Variants in MTHFD1L observed in about 807,000 individuals in gnomAD.
MTHFD1L encodes monofunctional C1-tetrahydrofolate synthase, mitochondrial.
Under a neutral mutation model 119.5 loss-of-function variants are expected in MTHFD1L, and 81 were observed. The ratio of observed to expected loss-of-function variants is 0.68; its 90% CI spans 0.57 to 0.82. The LOEUF (loss-of-function observed/expected upper bound fraction) is 0.82, where lower values mean the gene tolerates loss of function less well. Among genes scored for constraint, MTHFD1L ranks in the 40% least tolerant of loss-of-function variants. The pLI is 0.00. For missense variants in MTHFD1L, 1,125 were observed against 1,253.4 expected (o/e 0.90, Z 1.55); for synonymous variants, 430 against 475.2 (o/e 0.90, Z 1.24).
chr6:150,984,426 C>G (rs1166181734), intron 20 of MTHFD1L, among the ~76,000 whole-genome samples: 1 of 151,972 alleles, frequency 6.6e-6, no homozygotes, highest in East Asian at 1.9e-4. Context: ...GCCTTTTTCC[C>G]CCCTTTATTC....
At chr6:150,868,778 T>G (rs900646096) in intron 1 of MTHFD1L, among the ~76,000 whole-genome samples, 16 of 152,156 alleles carry the variant, frequency 1.1e-4, no homozygotes, top group Admixed American at 9.8e-4. Context: ...AAAGACAAAT[T>G]TAGGCCAGGC....
intron 20 of MTHFD1L, among the ~76,000 whole-genome samples, chr6:151,006,487 T>TA (rs1235878902): frequency 2.0e-5 from 3 of 152,020 alleles, no homozygotes; most frequent in Admixed American, 6.6e-5. Flanking sequence ...ACTTTTATAT[T>TA]AAGGCACTTT....
At chr6:150,953,572 A>G (rs972091518) in intron 16 of MTHFD1L, among the ~76,000 whole-genome samples, 2 of 152,144 alleles carry the variant, frequency 1.3e-5, no homozygotes, top group African/African-American at 4.8e-5. Context: ...TTGGATCACT[A>G]ACTTAGGGTT....
chr6:151,037,471 A>G (rs1014608372), intron 26 of MTHFD1L, among the ~76,000 whole-genome samples: 2 of 152,150 alleles, frequency 1.3e-5, no homozygotes, highest in African/African-American at 4.8e-5. Flanking sequence ...AAATGATGTC[A>G]TCACGGTGGG....
At chr6:150,897,588 C>G (rs1057110288) in intron 7 of MTHFD1L, among the ~76,000 whole-genome samples, 1 of 152,122 alleles carries the variant, frequency 6.6e-6, no homozygotes, top group African/African-American at 2.4e-5. Flanking sequence ...TTGTAGTCAC[C>G]TGTGGCCAAC....
chr6:151,001,175 T>C (rs1404033048), intron 20 of MTHFD1L, among the ~76,000 whole-genome samples: 1 of 152,200 alleles, frequency 6.6e-6, no homozygotes, highest in Non-Finnish European at 1.5e-5. Flanking sequence ...TGTTGTATAT[T>C]TGATATATGT....
At chr6:151,035,870 G>C (rs1786085674) in intron 25 of MTHFD1L, among the ~76,000 whole-genome samples, 1 of 152,002 alleles carries the variant, frequency 6.6e-6, no homozygotes, top group Non-Finnish European at 1.5e-5. Context: ...TTAGTTCATA[G>C]AAATTACTTC....
chr6:150,883,396 A>G (rs1316051349), intron 5 of MTHFD1L, among the ~76,000 whole-genome samples: 4 of 152,178 alleles, frequency 2.6e-5, no homozygotes, highest in African/African-American at 7.2e-5. Context: ...TAGCCCTTTT[A>G]TAGTGCTTCA....
At chr6:150,939,487 T>A (rs1792705110) in intron 13 of MTHFD1L, among the ~76,000 whole-genome samples, 2 of 152,118 alleles carry the variant, frequency 1.3e-5, no homozygotes, top group Admixed American at 6.6e-5. Flanking sequence ...ACTCTCTGCA[T>A]CAGCCTTATC....
At chr6:151,096,223 A>G (rs1184981879) in intron 27 of MTHFD1L, among the ~76,000 whole-genome samples, 3 of 152,190 alleles carry the variant, frequency 2.0e-5, no homozygotes, top group Admixed American at 6.5e-5. Flanking sequence ...TGATTTTGTC[A>G]TAATTCTTTT....
At chr6:151,054,899 A>T (rs1441945958) in intron 26 of MTHFD1L, 1 of 152,172 alleles carries the variant, frequency 6.6e-6, no homozygotes, top group Non-Finnish European at 1.5e-5. Context: ...GCATAACGTC[A>T]ACAGTGTAAA....
rs1440192314 is a variant in MTHFD1L at position 150,926,304 on chromosome 6, C to T, written c.1256+9C>T. On this transcript the variant is annotated intron_variant, in intron 11 of 27. Transcript: ENST00000367321. This position sits in a 1 kb window ranked among gnomAD's most constrained non-coding sequence, Gnocchi z 4.3. ...TACGTCTTAGTTGCTGGGTAAGACA[C>T]CATCTAACATCTACTTGATCAAGCA... 3 of 1,601,044 alleles carry T rather than the reference C, an allele frequency of 1.9e-6. No homozygotes were observed. Among genetic ancestry groups the T allele is most frequent in the Admixed American group, 1.7e-5 (1 of 59,398 alleles).
Position 150,949,092 on chromosome 6 carries a change from C to T in MTHFD1L, c.1685C>T (p.Ala562Val). The T allele has an allele frequency of 1.9e-6, 3 of 1,613,944 alleles. No individual in the cohort carries two copies. The highest frequency in any genetic ancestry group is 1.7e-6 in the Non-Finnish European group (2 of 1,179,964). The change falls in exon 16 of 28, where the codon GCC (alanine) becomes GTC (valine). Residue 562 changes from alanine (A) to valine (V), a missense_variant. Ala to Val is a moderately conservative substitution (Grantham distance 64). Around this residue, in one of 3 missense-constraint regions of MTHFD1L, gnomAD observed 1,058 missense variants for 1,151.2 expected, o/e 0.92. Transcript: ENST00000367321. ...TLTEEEVSKF[A>V]RLDIDPSTIT... ...ACAGAAGAGGAAGTGAGTAAATTTG[C>T]CCGTCTCGACATCGACCCATCTACC...
chr6:150,979,093 G>T (rs1185892919), intron 20 of MTHFD1L, among the ~76,000 whole-genome samples: 3 of 152,106 alleles, frequency 2.0e-5, no homozygotes, highest in Non-Finnish European at 4.4e-5. Context: ...TACAAAATTA[G>T]CCGAGCGTGG....
intron 24 of MTHFD1L, among the ~76,000 whole-genome samples, chr6:151,029,847 C>T (rs1785098217): frequency 6.6e-6 from 1 of 152,176 alleles, no homozygotes; most frequent in African/African-American, 2.4e-5. Context: ...TCAATTTATT[C>T]ACTAGTCATT....
chr6:150,874,204 A>G (rs1780015931), intron 1 of MTHFD1L, among the ~76,000 whole-genome samples: 1 of 152,210 alleles, frequency 6.6e-6, no homozygotes, highest in Admixed American at 6.5e-5. Flanking sequence ...ATATGGTCAC[A>G]TTTATTCAGC....
intron 26 of MTHFD1L, among the ~76,000 whole-genome samples, chr6:151,090,133 C>T (rs1231901880): frequency 6.6e-6 from 1 of 152,208 alleles, no homozygotes; most frequent in Admixed American, 6.5e-5. Context: ...CCCCAGCCTC[C>T]CCACTCCCAC....
chr6:150,894,447 C>T (rs1019965016), intron 7 of MTHFD1L, among the ~76,000 whole-genome samples: 6 of 152,092 alleles, frequency 3.9e-5, no homozygotes, highest in Admixed American at 6.6e-5. Context: ...CATGAGACAA[C>T]GTTCCAGAGA....
At chr6:150,915,739 A>T (rs1035719263) in intron 8 of MTHFD1L, among the ~76,000 whole-genome samples, 1 of 152,170 alleles carries the variant, frequency 6.6e-6, no homozygotes, top group Non-Finnish European at 1.5e-5. Flanking sequence ...AGGTGGGACT[A>T]CAGGCATCTG....
Sources: allele counts gnomAD v4.1 joint callset (sites outside exome capture counted in the v4.1 genomes callset), GRCh38; gene constraint gnomAD v4.1.1; regional missense constraint gnomAD v4.1.1; non-coding constraint Gnocchi (gnomAD v3.1); transcripts MANE v1.5; gene names NCBI Gene and HGNC (gene_info 2026-07-23, HGNC 2026-07-21).